Variants in PLCXD3 observed in about 807,000 individuals in gnomAD.
PLCXD3 encodes the protein phosphatidylinositol specific phospholipase C X domain containing 3, also known as PI-PLC X domain-containing protein 3.
A neutral mutation model predicts 25.5 loss-of-function variants in PLCXD3; 19 were observed. The ratio of observed to expected loss-of-function variants is 0.75; its 90% confidence interval spans 0.52 to 1.09. The LOEUF (loss-of-function observed/expected upper bound fraction) is 1.09, where lower values mean the gene tolerates loss of function less well. Among genes scored for constraint, PLCXD3 ranks in the 50% least tolerant of loss-of-function variants. PLCXD3 has a pLI of 0.00. For missense variants in PLCXD3, 411 were observed against 388.1 expected (o/e 1.06, Z -0.50); for synonymous variants, 174 against 137.6 (o/e 1.26, Z -1.85).
In PLCXD3 at chr5:41,308,881, C is replaced by T. The variant is rs370810071; in HGVS notation, c.*4736G>A. 1.4e-4 allele frequency: 21 copies of T among 152,516 alleles called. No individual in the cohort carries two copies. The highest frequency in any genetic ancestry group is 3.9e-4 in the African/African-American group (16 of 41,518). 9.4% of individuals were successfully genotyped at this position (152,516 alleles called of 1,614,324 possible). ...TATATGAATTGATGTTTGATTATTA[C>T]GAAAAGCAATGGGGTACCTCACAAG... On this transcript the variant is annotated 3_prime_UTR_variant, in exon 3 of 3. Transcript: ENST00000377801.
chr5:41,436,485 A>G (rs568399653), intron 1 of PLCXD3, among the ~76,000 whole-genome samples: 4 of 152,266 alleles, frequency 2.6e-5, no homozygotes, highest in African/African-American at 9.6e-5. Context: ...TTGCTACTTA[A>G]TATGTTCAGT....
At chr5:41,356,138 C>T (rs1432344819) in intron 2 of PLCXD3, among the ~76,000 whole-genome samples, 2 of 152,052 alleles carry the variant, frequency 1.3e-5, no homozygotes, top group Admixed American at 6.6e-5. Context: ...TGGTGGCAGG[C>T]GCCTGTACTC....
Position 41,381,893 on chromosome 5 carries a change from G to A in PLCXD3, c.745C>T (p.Leu249=). 1 of 1,613,196 alleles carries A rather than the reference G, an allele frequency of 6.2e-7. No individual in the cohort carries two copies. The highest frequency in any genetic ancestry group is 8.5e-7 in the Non-Finnish European group (1 of 1,179,646). Residue 249 remains leucine (L), a synonymous_variant, in exon 2 of 3, where the codon CTG becomes TTG. Coordinates refer to ENST00000377801, the MANE Select transcript of PLCXD3 (RefSeq NM_001005473.3). ...ACCACAGTGCTAGCTTTGGGGGTCAGCACCACCTGAGATATAAAAAACGAT... is the reference window on the plus strand; with the variant it reads ...ACCACAGTGCTAGCTTTGGGGGTCAACACCACCTGAGATATAAAAAACGAT... ...KGSFFISQVV[L]TPKASTVVKG...
intron 2 of PLCXD3, among the ~76,000 whole-genome samples, chr5:41,353,430 A>T (rs947058324): frequency 6.6e-6 from 1 of 152,190 alleles, no homozygotes; most frequent in Non-Finnish European, 1.5e-5. Context: ...AGAAAAAGCA[A>T]AACACAAGAA....
chr5:41,509,680 C>G (rs1738987744), intron 1 of PLCXD3, among the ~76,000 whole-genome samples: 1 of 152,254 alleles, frequency 6.6e-6, no homozygotes, highest in South Asian at 2.1e-4. Context: ...CAGCTTCTGT[C>G]CCGAGCAGTA....
At chr5:41,315,626 C>A (rs377261643) in intron 2 of PLCXD3, among the ~76,000 whole-genome samples, 1 of 152,138 alleles carries the variant, frequency 6.6e-6, no homozygotes. Context: ...CTGGATTTAA[C>A]TTTATATCGC....
In PLCXD3 at chr5:41,365,089, G is replaced by A. The variant is rs904305601; in HGVS notation, c.812+16737C>T. On this transcript the variant is annotated intron_variant, in intron 2 of 2. Transcript: ENST00000377801. Reference sequence around the variant, plus strand: ...GGCACACAAAGTGTTGTAAATCTGTGGCTGGATCTTTCAAGCCTCCAGGGA... The same window carrying A: ...GGCACACAAAGTGTTGTAAATCTGTAGCTGGATCTTTCAAGCCTCCAGGGA... Among the ~76,000 whole-genome samples the A allele has an allele frequency of 2.0e-5, 3 of 152,112 alleles. No individual in the cohort carries two copies. The East Asian group carries it at 5.8e-4, about 29-fold the overall frequency.
intron 2 of PLCXD3, among the ~76,000 whole-genome samples, chr5:41,316,009 A>T (rs1743278949): frequency 6.6e-6 from 1 of 152,162 alleles, no homozygotes; most frequent in Non-Finnish European, 1.5e-5. Context: ...GCAACTCCAT[A>T]CTGAGACATC....
At chr5:41,434,438 T>C (rs966305353) in intron 1 of PLCXD3, among the ~76,000 whole-genome samples, 1 of 152,132 alleles carries the variant, frequency 6.6e-6, no homozygotes, top group African/African-American at 2.4e-5. Context: ...ACCAGAAAGA[T>C]CTGACCTAGC....
At chr5:41,487,169 T>C (rs778553665) in intron 1 of PLCXD3, among the ~76,000 whole-genome samples, 6 of 152,302 alleles carry the variant, frequency 3.9e-5, no homozygotes, top group Middle Eastern at 3.4e-3. Flanking sequence ...TGGCTAAAAA[T>C]TGTTCCTTGA....
Position 41,435,729 on chromosome 5 carries a change from CT to C in PLCXD3, c.104-53196del, listed in dbSNP as rs559257386. Among the ~76,000 whole-genome samples the C allele has an allele frequency of 5.7e-4, 87 of 152,218 alleles. 1 individual carries two copies. The highest frequency in any genetic ancestry group is 9.7e-4 in the Non-Finnish European group (66 of 68,028). On this transcript the variant is annotated intron_variant, in intron 1 of 2. Coordinates refer to ENST00000377801, the MANE Select transcript of PLCXD3 (RefSeq NM_001005473.3). ...GCATTCCTTGGTAAAAATAATGGTTCTGTTGCAAAGTAAGTTTTGAAACACT... is the reference window on the plus strand; with the variant it reads ...GCATTCCTTGGTAAAAATAATGGTTCGTTGCAAAGTAAGTTTTGAAACACT...
chr5:41,350,525 T>C (rs566777451), intron 2 of PLCXD3, among the ~76,000 whole-genome samples: 1 of 152,310 alleles, frequency 6.6e-6, no homozygotes, highest in African/African-American at 2.4e-5. Context: ...ATGCATTCCA[T>C]TGAAAGACTC....
chr5:41,459,173 G>A (rs144095982), intron 1 of PLCXD3, among the ~76,000 whole-genome samples: 73 of 151,898 alleles, frequency 4.8e-4, no homozygotes, highest in African/African-American at 1.7e-3. Flanking sequence ...TACATTTAAG[G>A]TTTGAGAAGA....
At chr5:41,399,408 C>T (rs1333587215) in intron 1 of PLCXD3, among the ~76,000 whole-genome samples, 1 of 152,044 alleles carries the variant, frequency 6.6e-6, no homozygotes, top group African/African-American at 2.4e-5. Context: ...GCAAAAATTA[C>T]AAAACTGAAG....
intron 1 of PLCXD3, among the ~76,000 whole-genome samples, chr5:41,440,054 G>A (rs774607312): frequency 6.6e-6 from 1 of 152,000 alleles, no homozygotes; most frequent in African/African-American, 2.4e-5. Flanking sequence ...GGTGGAACAT[G>A]GGCCTGACTT....
intron 1 of PLCXD3, among the ~76,000 whole-genome samples, chr5:41,393,131 T>C (rs200218689): frequency 1.3e-5 from 2 of 152,092 alleles, no homozygotes; most frequent in South Asian, 2.1e-4. Flanking sequence ...GAAAAAGTCA[T>C]AGGGGTAGAA....
chr5:41,447,213 C>A (rs1468314125), intron 1 of PLCXD3, among the ~76,000 whole-genome samples: 2 of 152,000 alleles, frequency 1.3e-5, no homozygotes, highest in Non-Finnish European at 2.9e-5. Context: ...AGAGTTGTTG[C>A]CCTTTTTTAC....
chr5:41,464,212 C>T (rs981057986), intron 1 of PLCXD3, among the ~76,000 whole-genome samples: 1 of 152,006 alleles, frequency 6.6e-6, no homozygotes, highest in African/African-American at 2.4e-5. Flanking sequence ...TCTATAGCCT[C>T]AGGACAGATG....
intron 1 of PLCXD3, among the ~76,000 whole-genome samples, chr5:41,438,551 C>T (rs1039928655): frequency 6.6e-6 from 1 of 152,176 alleles, no homozygotes; most frequent in Non-Finnish European, 1.5e-5. Flanking sequence ...GGGCTTCAAT[C>T]TGTAAGACGG....
Sources: allele counts gnomAD v4.1 joint callset (sites outside exome capture counted in the v4.1 genomes callset), GRCh38; gene constraint gnomAD v4.1.1; transcripts MANE v1.5; gene names NCBI Gene and HGNC (gene_info 2026-07-23, HGNC 2026-07-21).